CNTN5: variants seen among roughly 807,000 people sequenced by gnomAD.
CNTN5 encodes contactin-5.
A neutral mutation model predicts 129.1 loss-of-function variants in CNTN5; 77 were observed. That is an observed-to-expected ratio of 0.60 (90% confidence interval 0.50 to 0.72). The LOEUF (loss-of-function observed/expected upper bound fraction) is 0.72, where lower values mean the gene tolerates loss of function less well. Ranked by LOEUF, CNTN5 falls within the 30% of genes least tolerant of loss-of-function variation. CNTN5 has a pLI of 0.00. For synonymous variants in CNTN5, 509 were observed against 465.6 expected (o/e 1.09, Z -1.20); for missense variants, 1,478 against 1,328.8 (o/e 1.11, Z -1.75).
rs541032307 is a variant in CNTN5, at chr11:99,710,534, T to A, written c.56-109010T>A. 1.5e-3 allele frequency among the ~76,000 whole-genome samples: 220 copies of A among 150,786 alleles called. 1 individual carries two copies. Among genetic ancestry groups the A allele is most frequent in the African/African-American group, 5.3e-3 (217 of 41,040 alleles). Reference sequence around the variant, plus strand: ...AAGGGGCATGGCCCCTACTGCAGAGTTCCTGCTCTAGATTGTGTGTGTGTG... The same window carrying A: ...AAGGGGCATGGCCCCTACTGCAGAGATCCTGCTCTAGATTGTGTGTGTGTG... On this transcript the variant is annotated intron_variant, in intron 3 of 24. Coordinates refer to ENST00000524871, the MANE Select transcript of CNTN5 (RefSeq NM_014361.4).
intron 1 of CNTN5, among the ~76,000 whole-genome samples, chr11:99,264,548 C>T (rs1862796535): frequency 6.6e-6 from 1 of 151,978 alleles, no homozygotes; most frequent in Non-Finnish European, 1.5e-5. Context: ...TAAAGGAAGA[C>T]ACACTTGGCT....
chr11:100,225,780 T>C (rs1192942957), intron 16 of CNTN5, among the ~76,000 whole-genome samples: 1 of 152,104 alleles, frequency 6.6e-6, no homozygotes, highest in Non-Finnish European at 1.5e-5. Context: ...AAAAACATTA[T>C]CATCTATAGC....
At chr11:100,148,380 A>G (rs779941700) in intron 13 of CNTN5, among the ~76,000 whole-genome samples, 1 of 152,164 alleles carries the variant, frequency 6.6e-6, no homozygotes, top group Admixed American at 6.5e-5. Context: ...AAGTTTGTAT[A>G]TTTTAACTCA....
At chr11:99,393,347 A>C (rs1030915210) in intron 2 of CNTN5, among the ~76,000 whole-genome samples, 4 of 151,820 alleles carry the variant, frequency 2.6e-5, no homozygotes. Context: ...GTTGGTGGTA[A>C]ATTAAAGAGT....
At chr11:99,119,898 G>C (rs11218462) in intron 1 of CNTN5, among the ~76,000 whole-genome samples, 9 of 151,964 alleles carry the variant, frequency 5.9e-5, no homozygotes, top group Non-Finnish European at 1.0e-4. Context: ...TTTTTCTTTC[G>C]TATGTTTTGG....
chr11:99,309,189 C>T (rs1864997634), intron 1 of CNTN5, among the ~76,000 whole-genome samples: 1 of 149,120 alleles, frequency 6.7e-6, no homozygotes, highest in African/African-American at 2.5e-5. Flanking sequence ...TTTTAAATAT[C>T]TAGAGTGTTG....
At chr11:99,592,610 G>C (rs1462709341) in intron 3 of CNTN5, among the ~76,000 whole-genome samples, 1 of 151,980 alleles carries the variant, frequency 6.6e-6, no homozygotes, top group African/African-American at 2.4e-5. Flanking sequence ...AAAATTCTCT[G>C]TTGAAGCGTT....
intron 21 of CNTN5, among the ~76,000 whole-genome samples, chr11:100,330,598 G>A (rs773589709): frequency 1.2e-4 from 19 of 152,092 alleles, no homozygotes; most frequent in Non-Finnish European, 2.1e-4. Flanking sequence ...AACCTATGAA[G>A]GAAAACCTAT....
intron 9 of CNTN5, among the ~76,000 whole-genome samples, chr11:100,006,222 A>C (rs1236516538): frequency 6.6e-6 from 1 of 152,140 alleles, no homozygotes; most frequent in African/African-American, 2.4e-5. Flanking sequence ...GCAAATTATC[A>C]TCTTTTTGCT....
At chr11:100,221,560 A>G (rs1342781896) in intron 15 of CNTN5, among the ~76,000 whole-genome samples, 3 of 152,206 alleles carry the variant, frequency 2.0e-5, no homozygotes, top group Admixed American at 2.0e-4. Context: ...CAGTTGCTCT[A>G]ATGAAACGAT....
intron 1 of CNTN5, among the ~76,000 whole-genome samples, chr11:99,126,369 C>T (rs1373577821): frequency 6.6e-6 from 1 of 152,168 alleles, no homozygotes; most frequent in African/African-American, 2.4e-5. Context: ...TTGAAATTAG[C>T]AAGCTCCTCT....
intron 3 of CNTN5, among the ~76,000 whole-genome samples, chr11:99,667,691 A>G (rs1433081903): frequency 6.6e-6 from 1 of 152,190 alleles, no homozygotes; most frequent in South Asian, 2.1e-4. Context: ...AAACTAACAC[A>G]GGAACAGAAA....
chr11:99,955,373 T>A (rs1950773937), intron 7 of CNTN5, among the ~76,000 whole-genome samples: 1 of 151,952 alleles, frequency 6.6e-6, no homozygotes, highest in African/African-American at 2.4e-5. Flanking sequence ...ATATTTTAAA[T>A]AAATTATTAA....
At chr11:100,020,464 T>G (rs138966313) in intron 9 of CNTN5, among the ~76,000 whole-genome samples, 149 of 152,192 alleles carry the variant, frequency 9.8e-4, no homozygotes, top group African/African-American at 3.3e-3. Flanking sequence ...GTTTTTTGAT[T>G]CTCAATTCTC....
At chr11:99,557,087 A>T (rs1948698336) in intron 3 of CNTN5, among the ~76,000 whole-genome samples, 1 of 151,330 alleles carries the variant, frequency 6.6e-6, no homozygotes, top group African/African-American at 2.4e-5. Flanking sequence ...AGAGAGTCTG[A>T]AATAAAATGT....
intron 1 of CNTN5, among the ~76,000 whole-genome samples, chr11:99,286,090 A>G (rs1863930384): frequency 6.6e-6 from 1 of 150,480 alleles, no homozygotes; most frequent in South Asian, 2.1e-4. Context: ...GAGTCTTCAT[A>G]TTTTTCCATT....
At chr11:99,785,782 A>G (rs1945498952) in intron 3 of CNTN5, among the ~76,000 whole-genome samples, 1 of 152,128 alleles carries the variant, frequency 6.6e-6, no homozygotes, top group Non-Finnish European at 1.5e-5. Flanking sequence ...GATGTAGAAA[A>G]AGCCTTTGAT....
chr11:100,007,450 A>G (rs3909277), intron 9 of CNTN5, among the ~76,000 whole-genome samples: 2 of 151,842 alleles, frequency 1.3e-5, no homozygotes, highest in Non-Finnish European at 2.9e-5. Context: ...ATTATCTTAG[A>G]TAGATTTTCT....
intron 16 of CNTN5, among the ~76,000 whole-genome samples, chr11:100,251,083 G>A (rs1949953676): frequency 6.6e-6 from 1 of 152,240 alleles, no homozygotes; most frequent in East Asian, 1.9e-4. Flanking sequence ...ATATTTGAGG[G>A]TCCTCCTGAC....
Sources: allele counts gnomAD v4.1 joint callset (sites outside exome capture counted in the v4.1 genomes callset), GRCh38; gene constraint gnomAD v4.1.1; transcripts MANE v1.5; gene names NCBI Gene and HGNC (gene_info 2026-07-23, HGNC 2026-07-21).